Variants in RBFOX1 observed in about 807,000 individuals in gnomAD.
RBFOX1 encodes the protein RNA binding fox-1 homolog 1.
Under a neutral mutation model 57.7 loss-of-function variants are expected in RBFOX1, and 8 were observed. That is an observed-to-expected ratio of 0.14 (90% CI 0.08 to 0.25). The LOEUF (loss-of-function observed/expected upper bound fraction) is 0.25. Among genes scored for constraint, RBFOX1 ranks in the 10% least tolerant of loss-of-function variants. RBFOX1 has a pLI of 1.00. For missense variants in RBFOX1, 611 were observed against 548.5 expected, an observed-to-expected ratio of 1.11 and a Z score of -1.14; for synonymous variants, 326 against 222.4, an observed-to-expected ratio of 1.47 and a Z score of -4.15.
chr16:6,495,139 G>A (rs544289325), intron 2 of RBFOX1, among the ~76,000 whole-genome samples: 6 of 152,098 alleles, frequency 3.9e-5, no homozygotes, highest in African/African-American at 1.4e-4. Context: ...TTTATTTTGA[G>A]ATGAACTTTC....
intron 1 of RBFOX1, among the ~76,000 whole-genome samples, chr16:5,371,079 C>T (rs1461266516): frequency 2.0e-5 from 3 of 152,204 alleles, no homozygotes; most frequent in Admixed American, 1.3e-4. Flanking sequence ...TCCCAAGTAG[C>T]TGGGACTACA....
intron 1 of RBFOX1, among the ~76,000 whole-genome samples, chr16:5,347,804 A>T (rs1197322592): frequency 8.4e-6 from 1 of 119,694 alleles, no homozygotes; most frequent in Non-Finnish European, 1.7e-5. Flanking sequence ...CCACCCTTCC[A>T]CTTAATCATG....
At chr16:6,012,459 T>A (rs1439765479) in intron 4 of RBFOX1, among the ~76,000 whole-genome samples, 1 of 152,172 alleles carries the variant, frequency 6.6e-6, no homozygotes, top group Non-Finnish European at 1.5e-5. Flanking sequence ...CTGTACACAT[T>A]TGGGAGGAGT....
At position 6,840,868 on chromosome 16, in the gene RBFOX1, C is replaced by T. The variant is rs117875003; in HGVS notation, c.-16+186218C>T. The stretch of plus-strand genomic sequence containing the variant: ...TCCCATTGTACTCTAGCCTGGGCGA[C>T]GAAAGTGAGACTCTGTCTCAAAAAA... On this transcript the variant is annotated intron_variant, in intron 3 of 15. Transcript: ENST00000550418. Among the ~76,000 whole-genome samples the T allele has an allele frequency of 5.9e-3, 750 of 126,178 alleles. 4 individuals carry two copies. Among genetic ancestry groups the T allele is most frequent in the Admixed American group, 8.3e-3 (85 of 10,212 alleles). 82.8% of individuals were successfully genotyped at this position (126,178 alleles called of 152,430 possible).
At chr16:7,479,941 T>C (rs2063538453) in intron 4 of RBFOX1, among the ~76,000 whole-genome samples, 1 of 152,216 alleles carries the variant, frequency 6.6e-6, no homozygotes, top group Non-Finnish European at 1.5e-5. Context: ...CGTTATTAAA[T>C]TCCTAGGAAA....
intron 2 of RBFOX1, among the ~76,000 whole-genome samples, chr16:6,511,730 C>T (rs184675924): frequency 2.6e-5 from 4 of 152,282 alleles, no homozygotes; most frequent in African/African-American, 9.6e-5. Context: ...GCATTAGTGA[C>T]ATGCACTATA....
chr16:7,087,402 A>T (rs975409993), intron 4 of RBFOX1, among the ~76,000 whole-genome samples: 4 of 152,144 alleles, frequency 2.6e-5, no homozygotes, highest in African/African-American at 9.7e-5. Flanking sequence ...AGTATTATGA[A>T]TATTGCTAGT....
At chr16:5,569,945 A>G (rs560961168) in intron 2 of RBFOX1, among the ~76,000 whole-genome samples, 4 of 152,332 alleles carry the variant, frequency 2.6e-5, no homozygotes, top group Admixed American at 1.3e-4. Flanking sequence ...ATAAAGATTA[A>G]AAACCCATAA....
chr16:5,970,860 T>C (rs902510587), intron 4 of RBFOX1, among the ~76,000 whole-genome samples: 1 of 152,214 alleles, frequency 6.6e-6, no homozygotes, highest in Non-Finnish European at 1.5e-5. Context: ...CATTCTCTCT[T>C]AGGATTGGCT....
At chr16:7,314,287 G>A (rs2096388576) in intron 4 of RBFOX1, among the ~76,000 whole-genome samples, 1 of 152,112 alleles carries the variant, frequency 6.6e-6, no homozygotes, top group South Asian at 2.1e-4. Flanking sequence ...TATACACCCC[G>A]CACCACTGCT....
chr16:5,775,902 A>G (rs77536405), intron 3 of RBFOX1, among the ~76,000 whole-genome samples: 5,391 of 152,206 alleles, frequency 0.035, 301 homozygotes, highest in African/African-American at 0.12. Flanking sequence ...CTCCTTTTTT[A>G]AAGGTTCTGT....
chr16:6,831,535 C>G (rs7195451), intron 3 of RBFOX1, among the ~76,000 whole-genome samples: 80,906 of 151,982 alleles, frequency 0.53, 22,465 homozygotes, highest in East Asian at 0.79. Flanking sequence ...GATTTCACCT[C>G]TGAACATTAC....
At chr16:5,683,164 G>T (rs965239949) in intron 3 of RBFOX1, among the ~76,000 whole-genome samples, 1 of 149,038 alleles carries the variant, frequency 6.7e-6, no homozygotes, top group Non-Finnish European at 1.5e-5. Context: ...GAGGTGGGGG[G>T]TGGGGGCGCC....
intron 3 of RBFOX1, among the ~76,000 whole-genome samples, chr16:6,664,041 TC>T (rs2098717263): frequency 6.6e-6 from 1 of 152,210 alleles, no homozygotes; most frequent in South Asian, 2.1e-4. Context: ...GACTGTGATA[TC>T]ACCATGAGAA....
chr16:5,628,365 C>A (rs1202806250), intron 3 of RBFOX1, among the ~76,000 whole-genome samples: 2 of 152,036 alleles, frequency 1.3e-5, no homozygotes, highest in African/African-American at 4.8e-5. Context: ...TTATTGGACC[C>A]TCTGTATCCT....
chr16:6,569,475 G>C (rs2097313968), intron 2 of RBFOX1, among the ~76,000 whole-genome samples: 1 of 152,178 alleles, frequency 6.6e-6, no homozygotes, highest in East Asian at 1.9e-4. Context: ...CAAAGTAATT[G>C]TTGCTTCCCA....
At chr16:7,377,068 T>G (rs1310033733) in intron 4 of RBFOX1, among the ~76,000 whole-genome samples, 1 of 152,228 alleles carries the variant, frequency 6.6e-6, no homozygotes, top group African/African-American at 2.4e-5. Flanking sequence ...ATGTTTAAAA[T>G]TAGCTTTCAG....
chr16:6,520,967 C>A (rs1322576936), intron 2 of RBFOX1, among the ~76,000 whole-genome samples: 2 of 151,496 alleles, frequency 1.3e-5, no homozygotes, highest in African/African-American at 4.8e-5. Flanking sequence ...ATTGCTTCGC[C>A]ACTAGAGAGA....
chr16:6,385,474 C>G (rs773321652), intron 2 of RBFOX1, among the ~76,000 whole-genome samples: 6 of 152,346 alleles, frequency 3.9e-5, no homozygotes, highest in Non-Finnish European at 8.8e-5. Flanking sequence ...ATTCTCCTGC[C>G]TCTGCCTCCC....
Sources: gnomAD v4.1 joint callset for allele counts (sites outside exome capture counted in the v4.1 genomes callset) on GRCh38, gnomAD v4.1.1 for gene constraint, MANE v1.5 for transcripts, NCBI Gene and HGNC (gene_info 2026-07-23, HGNC 2026-07-21) for gene names.